TBC1D22A: variants seen among roughly 807,000 people sequenced by gnomAD.
TBC1D22A encodes TBC1 domain family member 22A.
In TBC1D22A, 38 loss-of-function variants were observed where a neutral mutation model predicts 60.2. That is an observed-to-expected ratio of 0.63 (90% confidence interval 0.49 to 0.83). The LOEUF (loss-of-function observed/expected upper bound fraction) is 0.83, where lower values mean the gene tolerates loss of function less well. TBC1D22A is among the 40% of genes least tolerant of loss of function. The pLI is 0.00. For missense variants in TBC1D22A, 628 were observed against 701.0 expected (o/e 0.90, Z 1.18); for synonymous variants, 302 against 281.7 (o/e 1.07, Z -0.72).
Position 46,993,946 on chromosome 22 carries a change from G to A in TBC1D22A, c.1126-3688G>A, listed in dbSNP as rs372886514. ...CTTAGCCTTGGCGCCTCGCCCTCGG[G>A]GGGTGGGGCCGGGCGTCCCTGCTAC... On this transcript the variant is annotated intron_variant, in intron 9 of 12. Transcript: ENST00000337137. Among the ~76,000 whole-genome samples the A allele has an allele frequency of 1.9e-4, 29 of 152,352 alleles. 1 individual carries two copies. Among genetic ancestry groups the A allele is most frequent in the Admixed American group, 1.2e-3 (18 of 15,308 alleles).
At chr22:47,154,270 A>G (rs1367449801) in intron 12 of TBC1D22A, among the ~76,000 whole-genome samples, 4 of 151,964 alleles carry the variant, frequency 2.6e-5, no homozygotes, top group East Asian at 1.9e-4. Context: ...AGCTGTTCCT[A>G]GTGTCCTGGT....
intron 7 of TBC1D22A, among the ~76,000 whole-genome samples, chr22:46,904,116 TA>T (rs2069226239): frequency 1.3e-5 from 1 of 76,982 alleles, no homozygotes; most frequent in African/African-American, 5.5e-5. Flanking sequence ...TCTATCTATC[TA>T]TCTATCTATC....
At chr22:46,897,358 G>T (rs931985328) in intron 7 of TBC1D22A, among the ~76,000 whole-genome samples, 2 of 152,146 alleles carry the variant, frequency 1.3e-5, no homozygotes, top group African/African-American at 4.8e-5. Flanking sequence ...CTGATTGGTT[G>T]CAGAAAGCGA....
intron 8 of TBC1D22A, among the ~76,000 whole-genome samples, chr22:46,948,101 G>A (rs136067): frequency 0.31 from 47,401 of 152,046 alleles, 8,052 homozygotes; most frequent in African/African-American, 0.46. Context: ...GAGGGCTGGG[G>A]TATTAGAGGC....
intron 4 of TBC1D22A, among the ~76,000 whole-genome samples, chr22:46,845,689 C>G (rs1299855700): frequency 6.6e-6 from 1 of 152,224 alleles, no homozygotes; most frequent in African/African-American, 2.4e-5. Flanking sequence ...TTACAGTAAT[C>G]TCAGTGAAAT....
At chr22:46,918,284 T>C (rs950640764) in intron 8 of TBC1D22A, among the ~76,000 whole-genome samples, 3 of 152,188 alleles carry the variant, frequency 2.0e-5, no homozygotes, top group Non-Finnish European at 4.4e-5. Context: ...TGGTGCAGGG[T>C]GCAGGGCCGA....
intron 10 of TBC1D22A, among the ~76,000 whole-genome samples, chr22:47,019,022 A>G (rs1258112019): frequency 6.6e-6 from 1 of 152,178 alleles, no homozygotes; most frequent in African/African-American, 2.4e-5. Flanking sequence ...AGTCTTATCC[A>G]GCCCCTGTAG....
At chr22:46,953,485 T>TG (rs1289295007) in intron 8 of TBC1D22A, among the ~76,000 whole-genome samples, 5 of 119,928 alleles carry the variant, frequency 4.2e-5, no homozygotes, top group Non-Finnish European at 6.9e-5. Context: ...TATAATTTCC[T>TG]GTTTTTTTTC....
At chr22:47,157,111 G>A (rs890474890) in intron 12 of TBC1D22A, among the ~76,000 whole-genome samples, 9 of 152,204 alleles carry the variant, frequency 5.9e-5, no homozygotes, top group African/African-American at 1.9e-4. Context: ...GGTGCAAGGC[G>A]CCTCCTGTGG....
rs539087277 is a variant in TBC1D22A at position 46,797,015 on chromosome 22, G to C, written c.461-429G>C. 2.6e-3 allele frequency among the ~76,000 whole-genome samples: 396 copies of C among 152,304 alleles called. 1 individual carries two copies. The highest frequency in any genetic ancestry group is 9.0e-3 in the African/African-American group (376 of 41,576). ...GCCTTCTGTCCTCAGCACCTCTGCA[G>C]GCTTTCTCCTTTCCCTCATGGTAAC... is the stretch of plus-strand genomic sequence containing the variant. On this transcript the variant is annotated intron_variant, in intron 3 of 12. Coordinates refer to ENST00000337137, the MANE Select transcript of TBC1D22A (RefSeq NM_014346.5).
At position 47,028,637 on chromosome 22, in the gene TBC1D22A, T is replaced by C. The variant is rs2062346877; in HGVS notation, c.1202-8434T>C. Among the ~76,000 whole-genome samples the C allele has an allele frequency of 6.6e-6, 1 of 152,366 alleles. No individual in the cohort carries two copies. The highest frequency in any genetic ancestry group is 1.5e-5 in the Non-Finnish European group (1 of 68,042). Reference sequence around the variant, plus strand: ...TCTCGCCTGCCTGTGCATACTTAGCTGTGTCTTGGGTCTGACCTGTCTTCA... The same window carrying C: ...TCTCGCCTGCCTGTGCATACTTAGCCGTGTCTTGGGTCTGACCTGTCTTCA... On this transcript the variant is annotated intron_variant, in intron 10 of 12. Transcript: ENST00000337137. The surrounding 1 kb of genome is among the most constrained non-coding windows in gnomAD (Gnocchi z 4.4).
At chr22:47,162,227 T>C (rs1248069824) in intron 12 of TBC1D22A, among the ~76,000 whole-genome samples, 2 of 151,480 alleles carry the variant, frequency 1.3e-5, no homozygotes, top group African/African-American at 4.9e-5. Flanking sequence ...TAAGGTTTTG[T>C]GTATTGAACT....
intron 8 of TBC1D22A, among the ~76,000 whole-genome samples, chr22:46,926,747 A>G (rs1454600576): frequency 6.6e-6 from 1 of 152,192 alleles, no homozygotes; most frequent in East Asian, 1.9e-4. Context: ...GCCTCACGGG[A>G]AATCCTGACC....
chr22:47,025,016 A>G lies in TBC1D22A; in HGVS notation c.1202-12055A>G, dbSNP rs144467133. On this transcript the variant is annotated intron_variant, in intron 10 of 12. Coordinates refer to ENST00000337137, the MANE Select transcript of TBC1D22A (RefSeq NM_014346.5). ...TTCAGAATAGAGAATATTATCAAGTATCAAGAGGATCATTTCATATGATAG... is the reference window on the plus strand; with the variant it reads ...TTCAGAATAGAGAATATTATCAAGTGTCAAGAGGATCATTTCATATGATAG... Among the ~76,000 whole-genome samples the G allele has an allele frequency of 5.6e-4, 86 of 152,374 alleles. 1 individual carries two copies. In the East Asian group the frequency reaches 0.015, roughly 26 times the overall value.
At chr22:46,785,730 C>T (rs1473418727) in intron 1 of TBC1D22A, among the ~76,000 whole-genome samples, 2 of 152,192 alleles carry the variant, frequency 1.3e-5, no homozygotes, top group Non-Finnish European at 2.9e-5. Flanking sequence ...TATCTTCTTT[C>T]ACTGAGCATA....
At chr22:46,854,761 C>T (rs988625345) in intron 4 of TBC1D22A, among the ~76,000 whole-genome samples, 14 of 152,162 alleles carry the variant, frequency 9.2e-5, no homozygotes, top group African/African-American at 3.1e-4. Flanking sequence ...TCTGCTTTTA[C>T]AGCTCCCCGT....
At position 47,060,238 on chromosome 22, in the gene TBC1D22A, C is replaced by CTTTTTTTTTTT. The variant is rs3884803; in HGVS notation, c.1329+23051_1329+23061dup. On this transcript the variant is annotated intron_variant, in intron 11 of 12. Transcript: ENST00000337137. ...TGCGGCCCCTGCTAAGGGTTTCTGA[C>CTTTTTTTTTTT]TTTTTTTTTTTTTTTTTTTTTGAGA... Among the ~76,000 whole-genome samples, 144 of 111,630 alleles carry CTTTTTTTTTTT rather than the reference C, an allele frequency of 1.3e-3. 3 individuals are homozygous for CTTTTTTTTTTT. The highest frequency in any genetic ancestry group is 5.1e-3 in the African/African-American group (142 of 27,664). 73.2% of individuals were successfully genotyped at this position (111,630 alleles called of 152,430 possible). A position where few individuals can be genotyped will look rare whatever the true frequency, so the allele number is the denominator to read the frequency against.
At position 46,762,831 on chromosome 22, in the gene TBC1D22A, C is replaced by T. The variant is rs931245322; in HGVS notation, c.45C>T (p.Asn15=). 5.1e-5 allele frequency: 74 copies of T among 1,463,304 alleles called. No individual in the cohort carries two copies. Among genetic ancestry groups the T allele is most frequent in the Non-Finnish European group, 6.5e-5 (72 of 1,114,344 alleles). 90.6% of individuals were successfully genotyped at this position (1,463,304 alleles called of 1,614,324 possible). A position where few individuals can be genotyped will look rare whatever the true frequency, so the allele number is the denominator to read the frequency against. ...GGAAGCAATTCTGGAAGCGCAGCAA[C>T]AGCAAGCTCCCGGGCAGGTGGGTGT... is the stretch of plus-strand genomic sequence containing the variant. ...GARKQFWKRS[N]SKLPGSIQHV... is the part of the protein sequence containing the mutation. Residue 15 remains asparagine (N), a synonymous_variant, in exon 1 of 13, where the codon AAC becomes AAT. Transcript: ENST00000337137.
chr22:46,818,417 A>G (rs2085690875), intron 4 of TBC1D22A, among the ~76,000 whole-genome samples: 1 of 152,136 alleles, frequency 6.6e-6, no homozygotes. Context: ...TCTTGAGTTA[A>G]TTTTTGTTTA....
Sources: gnomAD v4.1 joint callset for allele counts (sites outside exome capture counted in the v4.1 genomes callset) on GRCh38, gnomAD v4.1.1 for gene constraint, Gnocchi (gnomAD v3.1) non-coding constraint, MANE v1.5 for transcripts, NCBI Gene and HGNC (gene_info 2026-07-23, HGNC 2026-07-21) for gene names.